The following ARL15 variants were observed in gnomAD, a reference collection of about 807,000 sequenced individuals.
ARL15 encodes the protein ARF like GTPase 15, also known as ADP-ribosylation factor-like protein 15.
In ARL15, 19 loss-of-function variants were observed where a neutral mutation model predicts 25.2. That is an observed-to-expected ratio of 0.75 (90% CI 0.53 to 1.10). The LOEUF is 1.10. ARL15 is among the 50% of genes least tolerant of loss of function. The probability of loss-of-function intolerance (pLI) is 0.00; values close to 1 mark genes in which losing one functional copy is unlikely to be tolerated. For synonymous variants in ARL15, 94 were observed against 86.8 expected (o/e 1.08, Z -0.46); for missense variants, 220 against 246.0 (o/e 0.89, Z 0.71).
chr5:54,171,988 T>A (rs1754732907), intron 1 of ARL15, 60 bp from the exon 2 acceptor site: 4 of 1,571,556 alleles, frequency 2.5e-6, no homozygotes, highest in East Asian at 4.5e-5. Flanking sequence ...TAAACCATAG[T>A]CACATTTAAA....
chr5:54,294,424 T>C (rs1000011793), intron 1 of ARL15, among the ~76,000 whole-genome samples: 1 of 152,256 alleles, frequency 6.6e-6, no homozygotes, highest in Non-Finnish European at 1.5e-5. Flanking sequence ...CCCTGTATTA[T>C]TTAGGATGCC....
chr5:54,121,538 CATAA>C (rs1579820175), intron 3 of ARL15, among the ~76,000 whole-genome samples: 2 of 152,290 alleles, frequency 1.3e-5, no homozygotes, highest in East Asian at 3.9e-4. Context: ...CTTTATAACT[CATAA>C]ATAAATTTGG....
chr5:54,250,849 A>G (rs1055578778), intron 1 of ARL15, among the ~76,000 whole-genome samples: 5 of 152,204 alleles, frequency 3.3e-5, no homozygotes, highest in African/African-American at 1.2e-4. Context: ...AAGTAGGCAC[A>G]GTGAAGGTCA....
intron 4 of ARL15, among the ~76,000 whole-genome samples, chr5:53,949,775 CTG>C (rs1226789597): frequency 6.6e-6 from 1 of 152,168 alleles, no homozygotes; most frequent in Non-Finnish European, 1.5e-5. Context: ...GCTCAGAACA[CTG>C]AACTTTTTCA....
At chr5:53,957,576 C>G (rs897909188) in intron 4 of ARL15, among the ~76,000 whole-genome samples, 1 of 152,202 alleles carries the variant, frequency 6.6e-6, no homozygotes, top group South Asian at 2.1e-4. Flanking sequence ...TGATTTATGC[C>G]TATAATCCCA....
At chr5:53,915,997 T>C (rs1197148769) in intron 4 of ARL15, among the ~76,000 whole-genome samples, 1 of 152,146 alleles carries the variant, frequency 6.6e-6, no homozygotes, top group African/African-American at 2.4e-5. Flanking sequence ...GCCTTGACCT[T>C]CTGGGCTCAG....
chr5:54,024,656 A>G (rs1749726143), intron 4 of ARL15, among the ~76,000 whole-genome samples: 2 of 152,180 alleles, frequency 1.3e-5, no homozygotes, highest in African/African-American at 4.8e-5. Context: ...TCATCATAAC[A>G]CATAACCCTA....
At chr5:54,253,060 T>A (rs1025319707) in intron 1 of ARL15, among the ~76,000 whole-genome samples, 3 of 151,614 alleles carry the variant, frequency 2.0e-5, no homozygotes, top group Non-Finnish European at 2.9e-5. Context: ...AAAGCAAGAA[T>A]CAGGAGAGGG....
At chr5:54,074,452 T>C (rs571938676) in intron 4 of ARL15, among the ~76,000 whole-genome samples, 1 of 152,162 alleles carries the variant, frequency 6.6e-6, no homozygotes, top group African/African-American at 2.4e-5. Context: ...AGTAAGCTAA[T>C]AAACAACTGA....
intron 4 of ARL15, among the ~76,000 whole-genome samples, chr5:53,923,566 C>T (rs1479892985): frequency 6.6e-6 from 1 of 152,168 alleles, no homozygotes; most frequent in Non-Finnish European, 1.5e-5. Flanking sequence ...ATCTCCTTTA[C>T]TAGTAACCTA....
Position 54,144,869 on chromosome 5 carries a change from A to G in ARL15, c.253+9711T>C, listed in dbSNP as rs560469482. On this transcript the variant is annotated intron_variant, in intron 3 of 4. Transcript: ENST00000504924. ...AAACACAGCTGCTATCCACTACTTA[A>G]CACAAGGAGAAAAGAAAAATAAAGG... Among the ~76,000 whole-genome samples the G allele has an allele frequency of 2.6e-5, 4 of 152,280 alleles. No individual in the cohort carries two copies. In the South Asian group the frequency reaches 8.3e-4, roughly 32 times the overall value.
chr5:54,254,089 CT>C (rs1313537307), intron 1 of ARL15, among the ~76,000 whole-genome samples: 1 of 152,156 alleles, frequency 6.6e-6, no homozygotes, highest in African/African-American at 2.4e-5. Context: ...CATAAATTTT[CT>C]TTCAAAATTA....
intron 1 of ARL15, among the ~76,000 whole-genome samples, chr5:54,270,827 G>A (rs1462862062): frequency 2.6e-5 from 4 of 152,234 alleles, no homozygotes; most frequent in African/African-American, 9.7e-5. Context: ...GTTTTGGAAT[G>A]TGTCTGGGAT....
chr5:53,954,016 T>G (rs1199859101), intron 4 of ARL15, among the ~76,000 whole-genome samples: 3 of 152,024 alleles, frequency 2.0e-5, no homozygotes, highest in African/African-American at 7.3e-5. Context: ...CTGAGATTAT[T>G]GATTTTCAGA....
At chr5:54,018,194 A>G (rs920813501) in intron 4 of ARL15, among the ~76,000 whole-genome samples, 1 of 152,198 alleles carries the variant, frequency 6.6e-6, no homozygotes, top group African/African-American at 2.4e-5. Context: ...CAAAACCATT[A>G]GCTCAAATGC....
At chr5:53,981,854 C>T (rs1748129020) in intron 4 of ARL15, among the ~76,000 whole-genome samples, 2 of 149,334 alleles carry the variant, frequency 1.3e-5, no homozygotes, top group South Asian at 4.2e-4. Flanking sequence ...GAGCTGATAT[C>T]AGGCCATTGC....
At chr5:53,991,763 CG>C (rs1748508763) in intron 4 of ARL15, among the ~76,000 whole-genome samples, 1 of 151,968 alleles carries the variant, frequency 6.6e-6, no homozygotes, top group Non-Finnish European at 1.5e-5. Flanking sequence ...GAATCTCCCA[CG>C]TAGTGGGAGA....
intron 4 of ARL15, among the ~76,000 whole-genome samples, chr5:53,903,215 G>T (rs1274822894): frequency 2.6e-5 from 4 of 152,146 alleles, no homozygotes; most frequent in African/African-American, 7.2e-5. Flanking sequence ...AGAAATAAAG[G>T]TTCCAAAAGC....
At chr5:53,948,840 T>C (rs537310743) in intron 4 of ARL15, among the ~76,000 whole-genome samples, 1 of 152,276 alleles carries the variant, frequency 6.6e-6, no homozygotes, top group East Asian at 1.9e-4. Context: ...TGAGAAGTAC[T>C]GCACTAAAGG....
Sources: gnomAD v4.1 joint callset for allele counts (sites outside exome capture counted in the v4.1 genomes callset) on GRCh38, gnomAD v4.1.1 for gene constraint, MANE v1.5 for transcripts, NCBI Gene and HGNC (gene_info 2026-07-23, HGNC 2026-07-21) for gene names.